PPFIA2: variants seen among roughly 807,000 people sequenced by gnomAD.
PPFIA2 encodes PPFI scaffold protein A2.
Under a neutral mutation model 175.5 loss-of-function variants are expected in PPFIA2, and 46 were observed. The observed-to-expected ratio is 0.26, with a 90% CI of 0.21 to 0.34. The LOEUF is 0.34. PPFIA2 is among the 10% of genes least tolerant of loss of function. The pLI, the probability that PPFIA2 is intolerant of heterozygous loss-of-function variation, is 1.00. For synonymous variants in PPFIA2, 568 were observed against 511.4 expected (o/e 1.11, Z -1.49); for missense variants, 1,179 against 1,506.1 (o/e 0.78, Z 3.60).
chr12:81,677,544 C>T (rs573162070), intron 3 of PPFIA2, among the ~76,000 whole-genome samples: 1 of 151,900 alleles, frequency 6.6e-6, no homozygotes, highest in Non-Finnish European at 1.5e-5. Flanking sequence ...CTATTCACTA[C>T]CTCCATGAGA....
At chr12:81,681,094 C>G (rs2073536298) in intron 3 of PPFIA2, among the ~76,000 whole-genome samples, 1 of 151,948 alleles carries the variant, frequency 6.6e-6, no homozygotes, top group Non-Finnish European at 1.5e-5. Flanking sequence ...CTCCTTATCA[C>G]TCGAATCTGT....
chr12:81,312,398 G>C, intron 22 of PPFIA2: 1 of 536,560 alleles, frequency 1.9e-6, no homozygotes, highest in Non-Finnish European at 3.3e-6. Context: ...TGACCAATAA[G>C]TCTATGTCTT....
At position 81,616,703 on chromosome 12, in the gene PPFIA2, A is replaced by T. The variant is rs566727227; in HGVS notation, c.303+60088T>A. On this transcript the variant is annotated intron_variant, in intron 4 of 32. Coordinates refer to ENST00000549396, the MANE Select transcript of PPFIA2 (RefSeq NM_003625.5). ...TCTTTCTCTACTTGACATTCACCAC[A>T]CATTTACTTAAAGGAAAGAACCATA... Among the ~76,000 whole-genome samples the T allele has an allele frequency of 9.2e-5, 14 of 152,288 alleles. No individual in the cohort carries two copies. In the South Asian group the frequency reaches 2.9e-3, roughly 32 times the overall value.
chr12:81,376,682 G>A (rs963666193), intron 9 of PPFIA2, among the ~76,000 whole-genome samples: 2 of 152,154 alleles, frequency 1.3e-5, no homozygotes, highest in African/African-American at 4.8e-5. Flanking sequence ...TTTATTGGTA[G>A]TTAGATAACC....
At chr12:81,402,663 G>C (rs563634441) in intron 8 of PPFIA2, among the ~76,000 whole-genome samples, 1 of 152,088 alleles carries the variant, frequency 6.6e-6, no homozygotes, top group Non-Finnish European at 1.5e-5. Context: ...AGACCAGCCT[G>C]GTCAACATGA....
chr12:81,562,846 C>CCAAA (rs2070451824), intron 4 of PPFIA2, among the ~76,000 whole-genome samples: 1 of 29,576 alleles, frequency 3.4e-5, no homozygotes, highest in Non-Finnish European at 5.7e-5. Flanking sequence ...GACTCTGTCT[C>CCAAA]AAAAAAAAAA....
chr12:81,431,167 C>T (rs1384237941), intron 7 of PPFIA2: 1 of 152,180 alleles, frequency 6.6e-6, no homozygotes, highest in East Asian at 1.9e-4. Flanking sequence ...TGTGTATTCA[C>T]TGCAAATTAG....
At chr12:81,631,524 T>A (rs1188077579) in intron 4 of PPFIA2, among the ~76,000 whole-genome samples, 7 of 152,212 alleles carry the variant, frequency 4.6e-5, no homozygotes, top group Non-Finnish European at 7.3e-5. Context: ...TATAAAATTA[T>A]AAATTCTTAT....
chr12:81,471,715 C>T (rs1593506032), intron 4 of PPFIA2, among the ~76,000 whole-genome samples: 2 of 152,142 alleles, frequency 1.3e-5, no homozygotes, highest in Admixed American at 6.5e-5. Flanking sequence ...TTTTGTGAAA[C>T]CTCCATACTA....
intron 18 of PPFIA2, among the ~76,000 whole-genome samples, chr12:81,346,807 C>A (rs552845983): frequency 5.6e-4 from 85 of 151,750 alleles, no homozygotes; most frequent in African/African-American, 2.1e-3. Context: ...AATTATAATA[C>A]TAAGTTTTGT....
chr12:81,611,842 C>T (rs2060950303), intron 4 of PPFIA2, among the ~76,000 whole-genome samples: 1 of 152,136 alleles, frequency 6.6e-6, no homozygotes, highest in Non-Finnish European at 1.5e-5. Flanking sequence ...GAGAGATCTC[C>T]TGACATCTCA....
intron 8 of PPFIA2, among the ~76,000 whole-genome samples, chr12:81,397,861 T>A (rs983590634): frequency 7.9e-5 from 12 of 151,964 alleles, no homozygotes; most frequent in Non-Finnish European, 1.6e-4. Context: ...CAGCATTAGA[T>A]TCACAAAGTA....
intron 4 of PPFIA2, among the ~76,000 whole-genome samples, chr12:81,505,040 T>G (rs1361942252): frequency 6.6e-6 from 1 of 152,128 alleles, no homozygotes; most frequent in Non-Finnish European, 1.5e-5. Context: ...AAATACCTAA[T>G]GTAGATAACG....
intron 4 of PPFIA2, among the ~76,000 whole-genome samples, chr12:81,501,586 C>T (rs1594094522): frequency 6.6e-6 from 1 of 152,082 alleles, no homozygotes; most frequent in Non-Finnish European, 1.5e-5. Context: ...TATCACACGA[C>T]TGAAAAAGTA....
At chr12:81,600,013 GACAA>G (rs945534723) in intron 4 of PPFIA2, among the ~76,000 whole-genome samples, 2 of 151,808 alleles carry the variant, frequency 1.3e-5, no homozygotes, top group East Asian at 1.9e-4. Context: ...TTTGTCATTT[GACAA>G]ACAAAGTTTT....
intron 4 of PPFIA2, among the ~76,000 whole-genome samples, chr12:81,621,177 G>A (rs1199114920): frequency 6.6e-6 from 1 of 152,156 alleles, no homozygotes; most frequent in East Asian, 1.9e-4. Context: ...TATGAGGTGA[G>A]AAAGGGAGTC....
At chr12:81,715,478 A>G (rs764469738) in intron 3 of PPFIA2, among the ~76,000 whole-genome samples, 9 of 151,698 alleles carry the variant, frequency 5.9e-5, no homozygotes, top group Non-Finnish European at 1.2e-4. Context: ...ATTAAGCCTC[A>G]GGTGAAGAAA....
intron 8 of PPFIA2, among the ~76,000 whole-genome samples, chr12:81,394,452 A>G (rs899959012): frequency 1.3e-5 from 2 of 152,030 alleles, no homozygotes; most frequent in African/African-American, 4.8e-5. Context: ...CTTCTGTCAG[A>G]GAATCATGCA....
At chr12:81,400,138 A>T (rs772151003) in intron 8 of PPFIA2, among the ~76,000 whole-genome samples, 27 of 152,160 alleles carry the variant, frequency 1.8e-4, no homozygotes, top group Non-Finnish European at 2.8e-4. Flanking sequence ...AGATATTGAT[A>T]AGCCAAACTT....
Sources: allele counts gnomAD v4.1 joint callset (sites outside exome capture counted in the v4.1 genomes callset), GRCh38; gene constraint gnomAD v4.1.1; transcripts MANE v1.5; gene names NCBI Gene and HGNC (gene_info 2026-07-23, HGNC 2026-07-21).